The following URB2 variants were observed in gnomAD, a reference collection of about 807,000 sequenced individuals.
URB2 encodes the protein URB2 ribosome biogenesis homolog.
URB2 carries 86 observed loss-of-function variants against 120.9 expected under a neutral mutation model. That is an observed-to-expected ratio of 0.71 (90% CI 0.60 to 0.85). The LOEUF (loss-of-function observed/expected upper bound fraction) is 0.85. Among genes scored for constraint, URB2 ranks in the 40% least tolerant of loss-of-function variants. The probability of loss-of-function intolerance (pLI) is 0.00; values close to 1 mark genes in which losing one functional copy is unlikely to be tolerated. For missense variants in URB2, 1,765 were observed against 1,836.5 expected, an observed-to-expected ratio of 0.96 and a Z score of 0.71; for synonymous variants, 755 against 758.4, an observed-to-expected ratio of 1.00 and a Z score of 0.07.
At chr1:229,626,994 A>G (rs1018428427) in intron 1 of URB2, among the ~76,000 whole-genome samples, 1 of 152,082 alleles carries the variant, frequency 6.6e-6, no homozygotes, top group African/African-American at 2.4e-5. Context: ...TTTAATAGTA[A>G]CTGTAGGTGT....
intron 4 of URB2, among the ~76,000 whole-genome samples, chr1:229,641,106 G>A (rs375941747): frequency 1.4e-5 from 2 of 145,348 alleles, no homozygotes; most frequent in South Asian, 2.2e-4. Context: ...TCCGCCTCCC[G>A]GCTTTGAGCG....
intron 8 of URB2, among the ~76,000 whole-genome samples, chr1:229,651,538 A>G (rs893951165): frequency 1.3e-5 from 2 of 152,248 alleles, no homozygotes; most frequent in Non-Finnish European, 2.9e-5. Flanking sequence ...CCTTATTGAA[A>G]TAGTTCCTTT....
intron 7 of URB2, among the ~76,000 whole-genome samples, chr1:229,650,380 C>T (rs1288048772): frequency 6.6e-6 from 1 of 152,016 alleles, no homozygotes; most frequent in Non-Finnish European, 1.5e-5. Context: ...GGTTGTGATT[C>T]AGACCTAAAG....
At chr1:229,626,785 C>T (rs1421513663) in intron 1 of URB2, among the ~76,000 whole-genome samples, 1 of 152,206 alleles carries the variant, frequency 6.6e-6, no homozygotes, top group Non-Finnish European at 1.5e-5. Flanking sequence ...GTCGCGATGG[C>T]GGTTCTATGG....
rs1253167764 is a variant in URB2, at chr1:229,636,388, G to A, written c.1775G>A (p.Gly592Asp). The A allele has an allele frequency of 6.2e-7, 1 of 1,614,222 alleles. No homozygotes were observed. Residue 592 changes from glycine to aspartate, a missense_variant, in exon 4 of 10, where the codon GGC becomes GAC. By Grantham distance (94) the Gly-to-Asp change is moderately conservative (BLOSUM62 -1). Coordinates refer to ENST00000258243, the MANE Select transcript of URB2 (RefSeq NM_014777.4). ...CTGGCCCTTCTCCCGGACACCCCAG[G>A]CCCAGAGCCAGAGCTGTGGCTGCAG... ...PLLALLPDTP[G>D]PEPELWLQKV...
In URB2 at chr1:229,635,170, A is replaced by G. The variant is rs571696943; in HGVS notation, c.557A>G (p.Gln186Arg). 1.2e-6 allele frequency: 2 copies of G among 1,614,220 alleles called. No homozygotes were observed. The highest frequency in any genetic ancestry group is 1.7e-6 in the Non-Finnish European group (2 of 1,180,040). The change falls in exon 4 of 10, where the codon CAG becomes CGG. Residue 186 changes from glutamine to arginine, a missense_variant. Physicochemically the swap from Gln to Arg is conservative, Grantham distance 43. Transcript: ENST00000258243. ...GGCCATTATCTCTTGATCCTGCAGCAGCAGGTCAACCCAAGACGTGCCTTT... is the reference window on the plus strand; with the variant it reads ...GGCCATTATCTCTTGATCCTGCAGCGGCAGGTCAACCCAAGACGTGCCTTT... ...ALGHYLLILQ[Q>R]QVNPRRAFGD...
chr1:229,643,525 C>T lies in URB2; in HGVS notation c.3635-8C>T. The T allele has an allele frequency of 2.5e-6, 4 of 1,614,014 alleles. No individual in the cohort carries two copies. The highest frequency in any genetic ancestry group is 2.5e-6 in the Non-Finnish European group (3 of 1,179,992). On this transcript the variant is annotated splice_polypyrimidine_tract_variant and splice_region_variant and intron_variant, in intron 4 of 9. Transcript: ENST00000258243. ...CATCTTAACAATTTTGGTTTCTTTC[C>T]CACACAGATCCTGAAATTCCTGTTC...
At chr1:229,633,320 G>C (rs150495053) in intron 3 of URB2, among the ~76,000 whole-genome samples, 2 of 152,300 alleles carry the variant, frequency 1.3e-5, no homozygotes, top group Non-Finnish European at 2.9e-5. Flanking sequence ...TATTTCAAAG[G>C]ATCTTTTGGA....
chr1:229,642,853 A>G (rs6587348), intron 4 of URB2, among the ~76,000 whole-genome samples: 57,852 of 152,086 alleles, frequency 0.38, 11,692 homozygotes, highest in South Asian at 0.48. Context: ...TATCCTTCTG[A>G]TACAATTCTA....
intron 6 of URB2, 93 bp downstream of exon 6, chr1:229,646,062 C>A: frequency 1.7e-6 from 2 of 1,176,884 alleles, no homozygotes; most frequent in Non-Finnish European, 2.5e-6. Flanking sequence ...TGCCCTGTAG[C>A]TTTATGCAGA....
Position 229,634,187 on chromosome 1 carries a change from A to G in URB2, c.304-730A>G, listed in dbSNP as rs1665735894. 2.0e-5 allele frequency among the ~76,000 whole-genome samples: 3 copies of G among 150,510 alleles called. No individual in the cohort carries two copies. The Admixed American group carries it at 2.0e-4, about 10-fold the overall frequency. On this transcript the variant is annotated intron_variant, in intron 3 of 9. Transcript: ENST00000258243. ...TTTGGCTTTTTTAAATAGAAAAAGTATAATTGACTATAAACATGCATTTTT... is the reference window on the plus strand; with the variant it reads ...TTTGGCTTTTTTAAATAGAAAAAGTGTAATTGACTATAAACATGCATTTTT...
rs773463411 is a variant in URB2, at chr1:229,636,303, A to G, written c.1690A>G (p.Ile564Val). 39 of 1,614,080 alleles carry G rather than the reference A, an allele frequency of 2.4e-5. No individual in the cohort carries two copies. Among genetic ancestry groups the G allele is most frequent in the Non-Finnish European group, 2.9e-5 (34 of 1,180,028 alleles). Residue 564 changes from isoleucine to valine, a missense_variant, in exon 4 of 10, where the codon ATT (isoleucine) becomes GTT (valine). Transcript: ENST00000258243. Reference sequence around the variant, plus strand: ...CCTGGACAGCAGCACGCCTCTGCCCATTGTCAGACGGACACAGTGCATGAT... The same window carrying G: ...CCTGGACAGCAGCACGCCTCTGCCCGTTGTCAGACGGACACAGTGCATGAT... The part of the protein sequence containing the change: ...RSLDSSTPLP[I>V]VRRTQCMMER...
chr1:229,629,011 A>G (rs1016346080), intron 2 of URB2, among the ~76,000 whole-genome samples: 4 of 152,234 alleles, frequency 2.6e-5, no homozygotes, highest in African/African-American at 4.8e-5. Flanking sequence ...GGGAGGCTCT[A>G]GCAGCCAATT....
chr1:229,628,628 G>C (rs151152538), intron 2 of URB2, among the ~76,000 whole-genome samples: 2 of 152,114 alleles, frequency 1.3e-5, no homozygotes, highest in African/African-American at 4.8e-5. Context: ...AAAGTCTTCC[G>C]CATTGGATAA....
In URB2 at chr1:229,659,244, T is replaced by C; in HGVS notation, c.4522T>C (p.Tyr1508His). 6.2e-7 allele frequency: 1 copy of C among 1,614,070 alleles called. No individual in the cohort carries two copies. Among genetic ancestry groups the C allele is most frequent in the Non-Finnish European group, 8.5e-7 (1 of 1,180,036 alleles). Reference sequence around the variant, plus strand: ...CATCTTTAAGGAGCTCTATAATGACTATCTCAAGTACCACAAGGCCAAACA... The same window carrying C: ...CATCTTTAAGGAGCTCTATAATGACCATCTCAAGTACCACAAGGCCAAACA... ...RDIFKELYND[Y>H]LKYHKAKHEG... is the part of the protein sequence containing the mutation. Residue 1508 changes from tyrosine to histidine, a missense_variant, in exon 10 of 10, where the codon TAT (tyrosine) becomes CAT (histidine). Transcript: ENST00000258243.
Position 229,632,260 on chromosome 1 carries a change from C to A in URB2, c.127-9C>A. The stretch of plus-strand genomic sequence containing the variant: ...ATTTATTTTCAGTGTATGTGTCCTT[C>A]AAATTCAGGTGTTACTTGATTGGGC... On this transcript the variant is annotated splice_polypyrimidine_tract_variant and intron_variant, in intron 2 of 9. Transcript: ENST00000258243. The A allele has an allele frequency of 2.0e-6, 3 of 1,530,436 alleles. No individual in the cohort carries two copies. Among genetic ancestry groups the A allele is most frequent in the South Asian group, 2.7e-5 (2 of 74,288 alleles). 94.8% of individuals were successfully genotyped at this position (1,530,436 alleles called of 1,614,324 possible). A position where few individuals can be genotyped will look rare whatever the true frequency, so the allele number is the denominator to read the frequency against.
chr1:229,640,935 G>A (rs1386169494), intron 4 of URB2, among the ~76,000 whole-genome samples: 1 of 151,556 alleles, frequency 6.6e-6, no homozygotes, highest in Non-Finnish European at 1.5e-5. Context: ...CTGAAGCTCT[G>A]CCCTGTGCCC....
chr1:229,658,982 C>A, intron 9 of URB2, 118 bp from the exon 10 acceptor site: 3 of 927,944 alleles, frequency 3.2e-6, no homozygotes, highest in Non-Finnish European at 3.2e-6. Flanking sequence ...CGATTTTTTT[C>A]TCAATTTGGA....
In URB2 at chr1:229,659,302, A is replaced by G. The variant is rs775298362; in HGVS notation, c.*5A>G. On this transcript the variant is annotated 3_prime_UTR_variant, in exon 10 of 10. Coordinates refer to ENST00000258243, the MANE Select transcript of URB2 (RefSeq NM_014777.4). Reference sequence around the variant, plus strand: ...GAGAAAAGATATACGGCCTAAGGCTATGGGACAGAAGTGCCGCCAGTGACA... The same window carrying G: ...GAGAAAAGATATACGGCCTAAGGCTGTGGGACAGAAGTGCCGCCAGTGACA... 12 of 1,613,540 alleles carry G rather than the reference A, an allele frequency of 7.4e-6. No homozygotes were observed. Among genetic ancestry groups the G allele is most frequent in the South Asian group, 1.1e-5 (1 of 91,044 alleles).
Sources: gnomAD v4.1 joint callset for allele counts (sites outside exome capture counted in the v4.1 genomes callset) on GRCh38, gnomAD v4.1.1 for gene constraint, MANE v1.5 for transcripts, NCBI Gene and HGNC (gene_info 2026-07-23, HGNC 2026-07-21) for gene names.